Variants in HCRTR2 observed in about 807,000 individuals in gnomAD.
HCRTR2 encodes the protein orexin receptor type 2.
A neutral mutation model predicts 49.0 loss-of-function variants in HCRTR2; 22 were observed. That is an observed-to-expected ratio of 0.45 (90% CI 0.32 to 0.64). HCRTR2 has a LOEUF of 0.64. Among genes scored for constraint, HCRTR2 ranks in the 30% least tolerant of loss-of-function variants. The pLI, the probability that HCRTR2 is intolerant of heterozygous loss-of-function variation, is 0.04. For missense variants in HCRTR2, 491 were observed against 559.4 expected (o/e 0.88, Z 1.23); for synonymous variants, 236 against 205.3 (o/e 1.15, Z -1.28).
At chr6:55,245,195 C>T (rs551227882) in intron 1 of HCRTR2, among the ~76,000 whole-genome samples, 5 of 151,554 alleles carry the variant, frequency 3.3e-5, no homozygotes, top group African/African-American at 1.2e-4. Flanking sequence ...AATGTGAAAA[C>T]CACACTTAAG....
chr6:55,166,643 G>A (rs910239760), intron 1 of HCRTR2, among the ~76,000 whole-genome samples: 1 of 152,072 alleles, frequency 6.6e-6, no homozygotes, highest in Non-Finnish European at 1.5e-5. Flanking sequence ...AAAACAATTT[G>A]TCAGTTCCTC....
At chr6:55,269,087 CAAA>C (rs1158724252) in intron 4 of HCRTR2, among the ~76,000 whole-genome samples, 3 of 55,748 alleles carry the variant, frequency 5.4e-5, no homozygotes, top group African/African-American at 5.1e-5. Flanking sequence ...GACTCCGTCT[CAAA>C]AAAAAAAAAA....
At chr6:55,121,681 A>G (rs1032232659) in intron 1 of HCRTR2, among the ~76,000 whole-genome samples, 1 of 152,070 alleles carries the variant, frequency 6.6e-6, no homozygotes. Flanking sequence ...AGGCTGTTGA[A>G]TTTTGTCAAA....
chr6:55,245,882 T>C (rs1169485695), intron 1 of HCRTR2, among the ~76,000 whole-genome samples: 1 of 152,028 alleles, frequency 6.6e-6, no homozygotes, highest in African/African-American at 2.4e-5. Flanking sequence ...TAATGATCAT[T>C]ACTCAGAATG....
At chr6:55,211,343 T>C (rs1426123466) in intron 1 of HCRTR2, among the ~76,000 whole-genome samples, 1 of 152,204 alleles carries the variant, frequency 6.6e-6, no homozygotes, top group Non-Finnish European at 1.5e-5. Flanking sequence ...GAATGTTCTG[T>C]ACTTTCCATC....
intron 1 of HCRTR2, among the ~76,000 whole-genome samples, chr6:55,206,160 A>C (rs1214820222): frequency 6.6e-6 from 1 of 152,106 alleles, no homozygotes; most frequent in East Asian, 1.9e-4. Context: ...AGTTGAAGGA[A>C]ATTTCAGATA....
intron 1 of HCRTR2, among the ~76,000 whole-genome samples, chr6:55,123,465 A>C (rs1024282109): frequency 1.3e-5 from 2 of 152,098 alleles, no homozygotes; most frequent in Admixed American, 1.3e-4. Flanking sequence ...CTTGCATTCC[A>C]GGTATGAAGC....
chr6:55,168,131 G>T lies in HCRTR2; in HGVS notation c.-377-6080G>T, dbSNP rs189876898. Among the ~76,000 whole-genome samples, 443 of 152,274 alleles carry T rather than the reference G, an allele frequency of 2.9e-3. 4 individuals are homozygous for T. The highest frequency in any genetic ancestry group is 0.01 in the African/African-American group (421 of 41,552). On this transcript the variant is annotated intron_variant, in intron 1 of 7. Transcript: ENST00000615358. ...TAAATGCAAAGTGCATGCTAAGTCT[G>T]GGGATACAAAGATGAATGAGAAAAC...
intron 1 of HCRTR2, among the ~76,000 whole-genome samples, chr6:55,186,995 C>A (rs1765226932): frequency 6.6e-6 from 1 of 152,008 alleles, no homozygotes; most frequent in Admixed American, 6.6e-5. Flanking sequence ...GTTCTAGACA[C>A]TTTATTTAAT....
chr6:55,184,698 G>T (rs1765188210), intron 1 of HCRTR2, among the ~76,000 whole-genome samples: 1 of 152,182 alleles, frequency 6.6e-6, no homozygotes, highest in African/African-American at 2.4e-5. Flanking sequence ...TCTGTGGATA[G>T]TTTAGAAGCT....
intron 1 of HCRTR2, among the ~76,000 whole-genome samples, chr6:55,210,272 G>T (rs1305769045): frequency 6.6e-6 from 1 of 152,008 alleles, no homozygotes; most frequent in Non-Finnish European, 1.5e-5. Context: ...CAGTCATTAG[G>T]ATTGCTCTTA....
intron 1 of HCRTR2, among the ~76,000 whole-genome samples, chr6:55,204,786 C>G (rs1007213602): frequency 6.6e-6 from 1 of 151,674 alleles, no homozygotes; most frequent in African/African-American, 2.4e-5. Context: ...CCCCTCCCCT[C>G]CCCTCCCCTT....
At chr6:55,120,983 TTAAAG>T (rs1764190741) in intron 1 of HCRTR2, among the ~76,000 whole-genome samples, 1 of 152,126 alleles carries the variant, frequency 6.6e-6, no homozygotes, top group Admixed American at 6.6e-5. Flanking sequence ...CATATGAACT[TTAAAG>T]TAGTTTTTTC....
intron 1 of HCRTR2, among the ~76,000 whole-genome samples, chr6:55,202,439 C>T (rs1765527405): frequency 6.6e-6 from 1 of 152,160 alleles, no homozygotes; most frequent in Admixed American, 6.5e-5. Flanking sequence ...TTGTTTTATA[C>T]ATTCTTGTCT....
At chr6:55,210,153 A>T (rs1371430155) in intron 1 of HCRTR2, among the ~76,000 whole-genome samples, 1 of 152,172 alleles carries the variant, frequency 6.6e-6, no homozygotes, top group Non-Finnish European at 1.5e-5. Flanking sequence ...AATAAAAGTC[A>T]TATATAAAAA....
downstream of HCRTR2, among the ~76,000 whole-genome samples, chr6:55,284,410 A>G (rs1767249001): frequency 1.3e-5 from 2 of 152,136 alleles, 1 homozygote; most frequent in Admixed American, 1.3e-4. Flanking sequence ...TCCCTCACCT[A>G]CTTAACCAGA....
Position 55,245,633 on chromosome 6 carries a change from T to C in HCRTR2, c.224-3006T>C, listed in dbSNP as rs181215499. Among the ~76,000 whole-genome samples the C allele has an allele frequency of 1.4e-3, 212 of 151,256 alleles. 1 individual carries two copies. The highest frequency in any genetic ancestry group is 4.6e-3 in the African/African-American group (188 of 41,294). ...TCTGAGTAGATTGCACCTGGAGAAATGATTGCAGGTATGGATAGCTCACTT... is the reference window on the plus strand; with the variant it reads ...TCTGAGTAGATTGCACCTGGAGAAACGATTGCAGGTATGGATAGCTCACTT... On this transcript the variant is annotated intron_variant, in intron 1 of 6. Transcript: ENST00000370862.
chr6:55,153,129 G>A (rs1223519575), intron 1 of HCRTR2, among the ~76,000 whole-genome samples: 1 of 151,938 alleles, frequency 6.6e-6, no homozygotes, highest in Non-Finnish European at 1.5e-5. Flanking sequence ...AGTTTTCACA[G>A]CACTGCTTGT....
intron 4 of HCRTR2, among the ~76,000 whole-genome samples, chr6:55,267,697 G>A (rs1176221921): frequency 6.6e-6 from 1 of 152,014 alleles, no homozygotes; most frequent in Non-Finnish European, 1.5e-5. Flanking sequence ...CAGCTTTTCA[G>A]GGCCTTTGAA....
Sources: allele counts gnomAD v4.1 joint callset (sites outside exome capture counted in the v4.1 genomes callset), GRCh38; gene constraint gnomAD v4.1.1; transcripts MANE v1.5; gene names NCBI Gene and HGNC (gene_info 2026-07-23, HGNC 2026-07-21).